The following TEC variants were observed in gnomAD, a reference collection of about 807,000 sequenced individuals.
TEC encodes tec protein tyrosine kinase.
In TEC, 72 loss-of-function variants were observed where a neutral mutation model predicts 93.0. The observed-to-expected ratio is 0.77, with a 90% CI of 0.64 to 0.94. The LOEUF is 0.94. Ranked by LOEUF, TEC falls within the 40% of genes least tolerant of loss-of-function variation. The pLI, the probability that TEC is intolerant of heterozygous loss-of-function variation, is 0.00. For synonymous variants in TEC, 249 were observed against 247.7 expected, an observed-to-expected ratio of 1.01 and a Z score of -0.05; for missense variants, 630 against 757.9, an observed-to-expected ratio of 0.83 and a Z score of 1.98.
chr4:48,139,746 G>A (rs1324406463), intron 15 of TEC, among the ~76,000 whole-genome samples: 1 of 152,228 alleles, frequency 6.6e-6, no homozygotes, highest in Non-Finnish European at 1.5e-5. Context: ...AAGGTGGGCA[G>A]CACATATTTA....
At chr4:48,225,602 G>T (rs1231769418) in intron 2 of TEC, among the ~76,000 whole-genome samples, 2 of 152,208 alleles carry the variant, frequency 1.3e-5, no homozygotes, top group Non-Finnish European at 2.9e-5. Flanking sequence ...ACAAGGTGTT[G>T]CTGGCCATGC....
At chr4:48,246,003 G>A (rs1222499925) in intron 1 of TEC, among the ~76,000 whole-genome samples, 1 of 152,068 alleles carries the variant, frequency 6.6e-6, no homozygotes, top group Non-Finnish European at 1.5e-5. Flanking sequence ...CAGCTACTCG[G>A]GAGGCTGTGG....
chr4:48,254,318 G>A (rs1166324506), intron 1 of TEC, among the ~76,000 whole-genome samples: 1 of 152,212 alleles, frequency 6.6e-6, no homozygotes, highest in South Asian at 2.1e-4. Context: ...GGACAAAGGG[G>A]TTTTGCAGGA....
chr4:48,141,425 AAAC>A lies in TEC; in HGVS notation c.1471-9_1471-7del. The stretch of plus-strand genomic sequence containing the variant: ...ACTAGACAATTTCTGGCAGCCTGGA[AAAC>A]AACATTATGATGGTATATTAGTTTA... On this transcript the variant is annotated splice_region_variant and splice_polypyrimidine_tract_variant and intron_variant, in intron 14 of 17. Coordinates refer to ENST00000381501, the MANE Select transcript of TEC (RefSeq NM_003215.3). The A allele has an allele frequency of 1.9e-6, 3 of 1,613,500 alleles. No homozygotes were observed. Among genetic ancestry groups the A allele is most frequent in the South Asian group, 2.2e-5 (2 of 91,058 alleles).
chr4:48,265,164 A>C (rs1464384404), intron 1 of TEC, among the ~76,000 whole-genome samples: 5 of 152,122 alleles, frequency 3.3e-5, no homozygotes, highest in African/African-American at 1.2e-4. Flanking sequence ...TAAAACAAAA[A>C]CCAGAAAGAA....
intron 1 of TEC, among the ~76,000 whole-genome samples, chr4:48,245,871 G>A (rs969174046): frequency 2.0e-5 from 3 of 152,164 alleles, no homozygotes; most frequent in African/African-American, 7.2e-5. Flanking sequence ...AGCACTTTGG[G>A]AGGCAGAGGA....
intron 15 of TEC, among the ~76,000 whole-genome samples, 187 bp from the exon 16 acceptor site, chr4:48,139,209 T>G (rs1183446040): frequency 6.6e-6 from 1 of 152,386 alleles, no homozygotes; most frequent in South Asian, 2.1e-4. Flanking sequence ...CAGCTTAATT[T>G]AAGTGCATGA....
At chr4:48,194,094 T>C (rs1722196996) in intron 2 of TEC, among the ~76,000 whole-genome samples, 1 of 152,208 alleles carries the variant, frequency 6.6e-6, no homozygotes, top group Non-Finnish European at 1.5e-5. Context: ...GATGAAGTGA[T>C]AACCCAGAGC....
intron 14 of TEC, among the ~76,000 whole-genome samples, chr4:48,142,151 T>C (rs767574532): frequency 3.5e-4 from 54 of 152,224 alleles, no homozygotes; most frequent in Non-Finnish European, 5.6e-4. Context: ...CCAATATTTC[T>C]GCTCAGTGAT....
intron 1 of TEC, among the ~76,000 whole-genome samples, chr4:48,244,858 T>A (rs1187204716): frequency 1.3e-5 from 2 of 152,200 alleles, no homozygotes; most frequent in African/African-American, 4.8e-5. Flanking sequence ...CAGCTGACTA[T>A]GAGAGCTAGG....
intron 14 of TEC, among the ~76,000 whole-genome samples, chr4:48,143,196 T>C (rs1348983210): frequency 6.6e-6 from 1 of 152,238 alleles, no homozygotes; most frequent in Non-Finnish European, 1.5e-5. Context: ...ATGCCTGCAC[T>C]GGATGGTCAA....
At chr4:48,198,550 T>TG (rs1291713629) in intron 2 of TEC, among the ~76,000 whole-genome samples, 2 of 152,220 alleles carry the variant, frequency 1.3e-5, no homozygotes, top group African/African-American at 4.8e-5. Flanking sequence ...AATTTACCAA[T>TG]TTACTACTCT....
intron 1 of TEC, among the ~76,000 whole-genome samples, chr4:48,237,218 G>T (rs1723808985): frequency 6.6e-6 from 1 of 151,684 alleles, no homozygotes; most frequent in African/African-American, 2.4e-5. Context: ...TACTTGGGAG[G>T]CTAAGGCATG....
chr4:48,171,159 T>C (rs750443655), intron 4 of TEC, among the ~76,000 whole-genome samples: 11 of 152,326 alleles, frequency 7.2e-5, no homozygotes, highest in South Asian at 2.1e-4. Flanking sequence ...AGAAACTATA[T>C]GCTACTAGAA....
chr4:48,234,975 C>G (rs1723746228), intron 1 of TEC, among the ~76,000 whole-genome samples: 1 of 151,924 alleles, frequency 6.6e-6, no homozygotes, highest in African/African-American at 2.4e-5. Flanking sequence ...ATTCATGAGT[C>G]AGGGTAGCCT....
intron 9 of TEC, among the ~76,000 whole-genome samples, chr4:48,153,720 T>C (rs1406443579): frequency 6.6e-6 from 1 of 152,122 alleles, no homozygotes; most frequent in Non-Finnish European, 1.5e-5. Context: ...GCTTGGATGG[T>C]CTAACTGCGG....
At chr4:48,215,228 C>T (rs530340997) in intron 2 of TEC, among the ~76,000 whole-genome samples, 1 of 152,292 alleles carries the variant, frequency 6.6e-6, no homozygotes, top group East Asian at 1.9e-4. Context: ...AGGCCTGTGC[C>T]GGGCGCAGTG....
At chr4:48,155,131 AT>A (rs1560378860) in intron 9 of TEC, among the ~76,000 whole-genome samples, 1 of 152,250 alleles carries the variant, frequency 6.6e-6, no homozygotes, top group African/African-American at 2.4e-5. Flanking sequence ...ATAAAGGTTT[AT>A]AAGACTATGA....
intron 1 of TEC, among the ~76,000 whole-genome samples, chr4:48,231,383 G>A (rs776633289): frequency 1.3e-5 from 2 of 152,174 alleles, no homozygotes; most frequent in Non-Finnish European, 2.9e-5. Context: ...CTAAGAAACT[G>A]TCAGAATGCA....
Sources: gnomAD v4.1 joint callset for allele counts (sites outside exome capture counted in the v4.1 genomes callset) on GRCh38, gnomAD v4.1.1 for gene constraint, MANE v1.5 for transcripts, NCBI Gene and HGNC (gene_info 2026-07-23, HGNC 2026-07-21) for gene names.